GAS6: variants seen among roughly 807,000 people sequenced by gnomAD.
The protein encoded by GAS6 is growth arrest specific 6.
GAS6 carries 41 observed loss-of-function variants against 75.8 expected under a neutral mutation model. The ratio of observed to expected loss-of-function variants is 0.54; its 90% CI spans 0.42 to 0.70. The LOEUF is 0.70. Among genes scored for constraint, GAS6 ranks in the 30% least tolerant of loss-of-function variants. The probability of loss-of-function intolerance (pLI) is 0.00; values close to 1 mark genes in which losing one functional copy is unlikely to be tolerated. For missense variants in GAS6, 854 were observed against 940.2 expected (o/e 0.91, Z 1.20); for synonymous variants, 432 against 412.6 (o/e 1.05, Z -0.57).
intron 8 of GAS6, chr13:113,833,493 C>T: frequency 2.0e-6 from 2 of 992,018 alleles, no homozygotes; most frequent in South Asian, 4.5e-5. Context: ...AACCCCCAGG[C>T]ACAGGCCCAG....
chr13:113,860,872 G>C (rs919704017), intron 2 of GAS6, among the ~76,000 whole-genome samples: 1 of 152,162 alleles, frequency 6.6e-6, no homozygotes, highest in African/African-American at 2.4e-5. Context: ...GCTGGGCTTA[G>C]TATCCGCCTG....
intron 12 of GAS6, among the ~76,000 whole-genome samples, chr13:113,826,076 A>G (rs2051533902): frequency 6.6e-6 from 1 of 152,056 alleles, no homozygotes. Context: ...GGTGGGGCCG[A>G]GCAGTAACAC....
At chr13:113,827,273 G>T in intron 11 of GAS6, 109 bp from the exon 12 acceptor site, 2 of 1,063,098 alleles carry the variant, frequency 1.9e-6, no homozygotes, top group Admixed American at 2.1e-5. Flanking sequence ...CAGCTCTACG[G>T]CAGAAACGGG....
At position 113,848,643 on chromosome 13, in the gene GAS6, T is replaced by C. The variant is rs2051851530; in HGVS notation, c.256-593A>G. Among the ~76,000 whole-genome samples the C allele has an allele frequency of 6.6e-6, 1 of 152,036 alleles. No homozygotes were observed. The highest frequency in any genetic ancestry group is 2.4e-5 in the African/African-American group (1 of 41,384). ...GGATCCTTTTGCCATGGCCCACAGATTCTAGGGCCACAGCCTGGTTAAAGC... is the reference window on the plus strand; with the variant it reads ...GGATCCTTTTGCCATGGCCCACAGACTCTAGGGCCACAGCCTGGTTAAAGC... On this transcript the variant is annotated intron_variant, in intron 2 of 14. Transcript: ENST00000327773. The surrounding 1 kb of genome is among the most constrained non-coding windows in gnomAD (Gnocchi z 4.8).
At chr13:113,846,168 C>T (rs564986593) in intron 4 of GAS6, among the ~76,000 whole-genome samples, 19 of 152,160 alleles carry the variant, frequency 1.2e-4, no homozygotes, top group East Asian at 3.9e-4. Context: ...TGTGCTAAGC[C>T]GCCACGCGTG....
chr13:113,826,955 G>C (rs1422581679), intron 12 of GAS6, 41 bp downstream of exon 12: 3 of 1,559,986 alleles, frequency 1.9e-6, no homozygotes, highest in African/African-American at 2.8e-5. Flanking sequence ...CTGTCTGAAG[G>C]TGCAGCCACA....
At chr13:113,850,781 G>A (rs1309325656) in intron 2 of GAS6, among the ~76,000 whole-genome samples, 2 of 152,020 alleles carry the variant, frequency 1.3e-5, no homozygotes, top group African/African-American at 4.8e-5. Flanking sequence ...TGAGTGGGTG[G>A]ATGGATGGAT....
At chr13:113,839,921 C>A (rs200389250) in intron 4 of GAS6, 71 bp from the exon 5 acceptor site, 18 of 1,607,798 alleles carry the variant, frequency 1.1e-5, no homozygotes, top group Middle Eastern at 1.9e-4. Context: ...CAGCTGAGAT[C>A]GGGGCGGCTG....
chr13:113,856,401 G>A (rs1349693947), intron 2 of GAS6, among the ~76,000 whole-genome samples: 1 of 152,146 alleles, frequency 6.6e-6, no homozygotes, highest in Non-Finnish European at 1.5e-5. Flanking sequence ...CAGGGCCTCA[G>A]TTTCCACATC....
chr13:113,827,335 A>G (rs908246906), intron 11 of GAS6, among the ~76,000 whole-genome samples, 171 bp from the exon 12 acceptor site: 4 of 152,178 alleles, frequency 2.6e-5, no homozygotes, highest in African/African-American at 9.7e-5. Flanking sequence ...ACTTTACACA[A>G]CGCCTCACTG....
At chr13:113,826,922 G>A (rs916842104) in intron 12 of GAS6, 74 bp downstream of exon 12, 37 of 1,140,698 alleles carry the variant, frequency 3.2e-5, no homozygotes, top group South Asian at 9.4e-5. Context: ...ATCTGAGGCC[G>A]TCTGCTTGCT....
chr13:113,852,791 G>C (rs932936480), intron 2 of GAS6, among the ~76,000 whole-genome samples: 1 of 152,234 alleles, frequency 6.6e-6, no homozygotes. Flanking sequence ...CGGGGACCAG[G>C]CTGTAGCCTG....
rs1241459052 is a variant in GAS6, at chr13:113,828,451, G to A, written c.1308+96C>T. On this transcript the variant is annotated intron_variant, in intron 11 of 14. Coordinates refer to ENST00000327773, the MANE Select transcript of GAS6 (RefSeq NM_000820.4). ...TAGGTCCTCCTCACACCTGGTTAAT[G>A]GTAAACACAGGGCAGGGTGTGACTG... The A allele has an allele frequency of 9.9e-6, 13 of 1,310,002 alleles. No individual in the cohort carries two copies. In the East Asian group the frequency reaches 3.0e-4, roughly 30 times the overall value. The allele number at this position is 1,310,002 out of a possible 1,614,324, so 81.1% of individuals were successfully genotyped here. A position where few individuals can be genotyped will look rare whatever the true frequency, so the allele number is the denominator to read the frequency against.
chr13:113,826,210 C>CAG (rs1244745960), intron 12 of GAS6, among the ~76,000 whole-genome samples: 1 of 152,228 alleles, frequency 6.6e-6, no homozygotes, highest in Non-Finnish European at 1.5e-5. Flanking sequence ...CACTGTCCCC[C>CAG]AGGCAGCTTC....
rs769770548 is a variant in GAS6, at chr13:113,846,537, G to T, written c.333C>A (p.Thr111=). The T allele has an allele frequency of 1.9e-6, 3 of 1,614,050 alleles. No homozygotes were observed. Among genetic ancestry groups the T allele is most frequent in the Non-Finnish European group, 2.5e-6 (3 of 1,179,998 alleles). Residue 111 remains threonine, a synonymous_variant, in exon 4 of 15, where the codon ACC becomes ACA. Coordinates refer to ENST00000327773, the MANE Select transcript of GAS6 (RefSeq NM_000820.4). The stretch of plus-strand genomic sequence containing the variant: ...AGGAGGCCGACTTACTTTGCACGCA[G>T]GTGGCGAAGCCTGAGTTTTTGGTGT... The part of the protein sequence containing the change: ...SPYTKNSGFA[T]CVQNLPDQCT...
At chr13:113,833,416 C>G (rs183097499) in intron 8 of GAS6, 74 of 993,044 alleles carry the variant, frequency 7.5e-5, no homozygotes, top group Non-Finnish European at 8.1e-5. Flanking sequence ...TCTGCGACTC[C>G]GAGAAGCTGT....
intron 2 of GAS6, among the ~76,000 whole-genome samples, chr13:113,861,180 A>G (rs2051968416): frequency 6.6e-6 from 1 of 152,230 alleles, no homozygotes; most frequent in Admixed American, 6.5e-5. Context: ...AGGTGAGCAC[A>G]CTGGAGAGCT....
At chr13:113,846,187 G>A (rs549211801) in intron 4 of GAS6, among the ~76,000 whole-genome samples, 46 of 150,394 alleles carry the variant, frequency 3.1e-4, no homozygotes, top group Non-Finnish European at 4.7e-4. Flanking sequence ...TGTGAAGAGC[G>A]GAAGGCCGCT....
At chr13:113,847,867 GTGTTTC>G (rs2051846229) in intron 3 of GAS6, 153 bp downstream of exon 3, 15 of 707,920 alleles carry the variant, frequency 2.1e-5, no homozygotes, top group Non-Finnish European at 3.8e-5. Flanking sequence ...AGAGAAACTT[GTGTTTC>G]TGACCTGCAT....
Sources: gnomAD v4.1 joint callset for allele counts (sites outside exome capture counted in the v4.1 genomes callset) on GRCh38, gnomAD v4.1.1 for gene constraint, Gnocchi (gnomAD v3.1) non-coding constraint, MANE v1.5 for transcripts, NCBI Gene and HGNC (gene_info 2026-07-23, HGNC 2026-07-21) for gene names.